Variants in TGFB2 observed in about 807,000 individuals in gnomAD.
TGFB2 encodes transforming growth factor beta 2, also known as transforming growth factor beta-2 proprotein.
TGFB2 carries 13 observed loss-of-function variants against 42.7 expected under a neutral mutation model. The observed-to-expected ratio is 0.30, with a 90% CI of 0.20 to 0.48. The LOEUF (loss-of-function observed/expected upper bound fraction) is 0.48. Among genes scored for constraint, TGFB2 ranks in the 20% least tolerant of loss-of-function variants. The pLI, the probability that TGFB2 is intolerant of heterozygous loss-of-function variation, is 0.99. For missense variants in TGFB2, 390 were observed against 517.5 expected, an observed-to-expected ratio of 0.75 and a Z score of 2.39; for synonymous variants, 193 against 193.6, an observed-to-expected ratio of 1.00 and a Z score of 0.03.
chr1:218,414,673 A>T (rs1418969863), intron 2 of TGFB2, among the ~76,000 whole-genome samples: 1 of 152,222 alleles, frequency 6.6e-6, no homozygotes, highest in Non-Finnish European at 1.5e-5. Flanking sequence ...CAAAAAGTAG[A>T]ATGAACAGCA....
chr1:218,423,566 G>A (rs1360323933), intron 2 of TGFB2, among the ~76,000 whole-genome samples: 2 of 152,142 alleles, frequency 1.3e-5, no homozygotes, highest in Non-Finnish European at 2.9e-5. Flanking sequence ...TTCTGATAGG[G>A]TTGCTAGTTA....
Position 218,378,148 on chromosome 1 carries a change from GATTTATTT to G in TGFB2, c.347-26987_347-26980del, listed in dbSNP as rs80153970. The stretch of plus-strand genomic sequence containing the variant: ...CTGTCACTATGCCTGGCTAATTTTG[GATTTATTT>G]ATTTATTTATTTATTTATTTATTTA... On this transcript the variant is annotated intron_variant, in intron 1 of 6. Transcript: ENST00000366930. Among the ~76,000 whole-genome samples the G allele has an allele frequency of 9.2e-4, 137 of 148,498 alleles. No homozygotes were observed. In the East Asian group the frequency reaches 0.014, roughly 15 times the overall value.
intron 1 of TGFB2, among the ~76,000 whole-genome samples, chr1:218,367,751 T>C (rs1657432340): frequency 2.0e-5 from 3 of 152,350 alleles, no homozygotes; most frequent in Middle Eastern, 3.4e-3. Flanking sequence ...GTCAAATGCA[T>C]GTAGAGACCT....
chr1:218,347,986 G>C (rs1442755220), intron 1 of TGFB2, among the ~76,000 whole-genome samples: 3 of 149,140 alleles, frequency 2.0e-5, no homozygotes, highest in African/African-American at 7.5e-5. Flanking sequence ...CTCAAAACCA[G>C]CTGGCATACA....
intron 1 of TGFB2, among the ~76,000 whole-genome samples, chr1:218,358,007 A>G (rs1657094821): frequency 6.6e-6 from 1 of 152,228 alleles, no homozygotes; most frequent in Non-Finnish European, 1.5e-5. Context: ...TTTCTTATCT[A>G]ACCCACACGA....
rs1021 is a variant in TGFB2 at position 218,441,556 on chromosome 1, C to T, written c.*194C>T. On this transcript the variant is annotated 3_prime_UTR_variant, in exon 7 of 7. Coordinates refer to ENST00000366930, the MANE Select transcript of TGFB2 (RefSeq NM_003238.6). ...TGTTTGTTAAAACTGGCATCTGACA[C>T]AAAAAAAGTTGAAGGCCTTATTCTA... The T allele has an allele frequency of 4.2e-6, 2 of 479,336 alleles. No individual in the cohort carries two copies. Among genetic ancestry groups the T allele is most frequent in the Non-Finnish European group, 6.9e-6 (2 of 289,894 alleles). The allele number at this position is 479,336 out of a possible 1,614,324, so 29.7% of individuals were successfully genotyped here.
Position 218,406,576 on chromosome 1 carries a change from C to A in TGFB2, c.510+1244C>A, listed in dbSNP as rs1193013988. On this transcript the variant is annotated intron_variant, in intron 2 of 6. Coordinates refer to ENST00000366930, the MANE Select transcript of TGFB2 (RefSeq NM_003238.6). ...AGGCAACTTAAATACATCCTGATGC[C>A]ATATGAATAGTGGTACTTGCATATA... Among the ~76,000 whole-genome samples, 3 of 152,172 alleles carry A rather than the reference C, an allele frequency of 2.0e-5. No individual in the cohort carries two copies. In the East Asian group the frequency reaches 5.8e-4, roughly 29 times the overall value.
chr1:218,419,968 A>G (rs189508121), intron 2 of TGFB2, among the ~76,000 whole-genome samples: 7 of 152,372 alleles, frequency 4.6e-5, no homozygotes, highest in African/African-American at 1.7e-4. Flanking sequence ...TTATAGTCAC[A>G]TGCCCTAAAT....
chr1:218,386,053 G>C (rs1259351913), intron 1 of TGFB2, among the ~76,000 whole-genome samples: 2 of 152,084 alleles, frequency 1.3e-5, no homozygotes, highest in Non-Finnish European at 2.9e-5. Context: ...AGGTAACTCT[G>C]TTTGAAGGCT....
intron 1 of TGFB2, among the ~76,000 whole-genome samples, chr1:218,401,311 A>G (rs1482752417): frequency 6.6e-6 from 1 of 152,196 alleles, no homozygotes; most frequent in Non-Finnish European, 1.5e-5. Flanking sequence ...ATTAGTGACT[A>G]GTTAGATTTT....
intron 1 of TGFB2, among the ~76,000 whole-genome samples, chr1:218,364,685 C>T (rs145080347): frequency 3.9e-4 from 60 of 152,284 alleles, no homozygotes; most frequent in Non-Finnish European, 6.6e-4. Context: ...CATGCCTACA[C>T]ATTGTTGGTT....
chr1:218,389,060 CACTT>C (rs1244678245), intron 1 of TGFB2, among the ~76,000 whole-genome samples: 2 of 152,076 alleles, frequency 1.3e-5, no homozygotes, highest in African/African-American at 4.8e-5. Context: ...CTGGGGGAGT[CACTT>C]ACATCGAATC....
At chr1:218,436,955 T>C (rs1045834596) in intron 5 of TGFB2, among the ~76,000 whole-genome samples, 7 of 152,218 alleles carry the variant, frequency 4.6e-5, no homozygotes, top group African/African-American at 1.4e-4. Context: ...ACTTCTTTCA[T>C]TTTATATTTG....
intron 1 of TGFB2, among the ~76,000 whole-genome samples, chr1:218,403,208 T>G (rs1162148883): frequency 3.4e-5 from 4 of 117,748 alleles, no homozygotes; most frequent in African/African-American, 9.1e-5. Flanking sequence ...TTTTTTGGGG[T>G]TTTTTTGTTT....
At chr1:218,353,312 G>A (rs1435871434) in intron 1 of TGFB2, among the ~76,000 whole-genome samples, 2 of 152,146 alleles carry the variant, frequency 1.3e-5, no homozygotes, top group African/African-American at 4.8e-5. Context: ...TTCAGGGCAG[G>A]GATGGGATGG....
rs986748665 is a variant in TGFB2 at position 218,345,432 on chromosome 1, G to A, written c.-1270G>A. On this transcript the variant is annotated 5_prime_UTR_variant, in exon 1 of 7. Coordinates refer to ENST00000366930, the MANE Select transcript of TGFB2 (RefSeq NM_003238.6). ...ATTGAGATAGAGATAGAAAGAGAAA[G>A]AGAGAAAGAGACAGCAGAGCGAGAG... 2 of 152,662 alleles carry A rather than the reference G, an allele frequency of 1.3e-5. No individual in the cohort carries two copies. Among genetic ancestry groups the A allele is most frequent in the Non-Finnish European group, 2.9e-5 (2 of 68,364 alleles). The allele number at this position is 152,662 out of a possible 1,614,324, so 9.5% of individuals were successfully genotyped here. A position where few individuals can be genotyped will look rare whatever the true frequency, so the allele number is the denominator to read the frequency against.
intron 1 of TGFB2, among the ~76,000 whole-genome samples, chr1:218,393,989 C>T (rs1658406229): frequency 6.6e-6 from 1 of 151,862 alleles, no homozygotes; most frequent in South Asian, 2.1e-4. Flanking sequence ...TCACTGCAAG[C>T]TCCACCTCCC....
intron 1 of TGFB2, among the ~76,000 whole-genome samples, chr1:218,364,529 G>T (rs1657324787): frequency 6.6e-6 from 1 of 152,156 alleles, no homozygotes; most frequent in Non-Finnish European, 1.5e-5. Context: ...TCCTGGCATT[G>T]GTTCACTGCA....
At chr1:218,432,333 T>C (rs1050438918) in intron 2 of TGFB2, among the ~76,000 whole-genome samples, 3 of 152,236 alleles carry the variant, frequency 2.0e-5, no homozygotes, top group African/African-American at 7.2e-5. Context: ...ATTTCTTACC[T>C]ATCATAGAGC....
Sources: allele counts gnomAD v4.1 joint callset (sites outside exome capture counted in the v4.1 genomes callset), GRCh38; gene constraint gnomAD v4.1.1; transcripts MANE v1.5; gene names NCBI Gene and HGNC (gene_info 2026-07-23, HGNC 2026-07-21).